ZFAND3: variants seen among roughly 807,000 people sequenced by gnomAD.
ZFAND3 encodes zinc finger AN1-type containing 3.
ZFAND3 carries 10 observed loss-of-function variants against 29.6 expected under a neutral mutation model. The ratio of observed to expected loss-of-function variants is 0.34; its 90% CI spans 0.21 to 0.57. The LOEUF is 0.57. ZFAND3 is among the 20% of genes least tolerant of loss of function. The probability of loss-of-function intolerance (pLI) is 0.86; values close to 1 mark genes in which losing one functional copy is unlikely to be tolerated. For missense variants in ZFAND3, 230 were observed against 304.5 expected (o/e 0.76, Z 1.82); for synonymous variants, 128 against 112.6 (o/e 1.14, Z -0.87).
At chr6:37,874,241 C>G (rs926066324) in intron 1 of ZFAND3, among the ~76,000 whole-genome samples, 3 of 152,206 alleles carry the variant, frequency 2.0e-5, no homozygotes, top group Admixed American at 6.5e-5. Flanking sequence ...TTTGGCCGGA[C>G]GTGGTGGCTC....
At chr6:37,849,634 T>C (rs1764246943) in intron 1 of ZFAND3, among the ~76,000 whole-genome samples, 1 of 152,160 alleles carries the variant, frequency 6.6e-6, no homozygotes, top group Non-Finnish European at 1.5e-5. Context: ...GGTCTGGAAC[T>C]CCTGACGTCA....
chr6:38,153,434 C>G lies in ZFAND3; in HGVS notation c.*1045C>G. On this transcript the variant is annotated 3_prime_UTR_variant, in exon 6 of 6. Coordinates refer to ENST00000287218, the MANE Select transcript of ZFAND3 (RefSeq NM_021943.3). Reference sequence around the variant, plus strand: ...CTCCATTCTCGTTTCTATGCAGCCCCATAGTCCAAGGACACCCAGTCCACA... The same window carrying G: ...CTCCATTCTCGTTTCTATGCAGCCCGATAGTCCAAGGACACCCAGTCCACA... 1.0e-6 allele frequency: 1 copy of G among 985,566 alleles called. No individual in the cohort carries two copies. Among genetic ancestry groups the G allele is most frequent in the Non-Finnish European group, 1.2e-6 (1 of 830,020 alleles). The allele number at this position is 985,566 out of a possible 1,614,324, so 61.1% of individuals were successfully genotyped here.
rs1171867049 is a variant in ZFAND3 at position 37,940,683 on chromosome 6, G to C, written c.112+10684G>C. On this transcript the variant is annotated intron_variant, in intron 2 of 5. Coordinates refer to ENST00000287218, the MANE Select transcript of ZFAND3 (RefSeq NM_021943.3). ...ATGGCAGAAGGCCAAGCAAGAACTT[G>C]CATATCACATGGCAAAAGCAGGAGC... is the stretch of plus-strand genomic sequence containing the variant. Among the ~76,000 whole-genome samples the C allele has an allele frequency of 3.9e-5, 6 of 152,170 alleles. No individual in the cohort carries two copies. The East Asian group carries it at 1.2e-3, about 29-fold the overall frequency.
At position 38,116,568 on chromosome 6, in the gene ZFAND3, T is replaced by A; in HGVS notation, c.362-4T>A. 1 of 1,605,304 alleles carries A rather than the reference T, an allele frequency of 6.2e-7. No homozygotes were observed. The highest frequency in any genetic ancestry group is 8.5e-7 in the Non-Finnish European group (1 of 1,173,318). On this transcript the variant is annotated splice_region_variant and splice_polypyrimidine_tract_variant and intron_variant, in intron 4 of 5. Coordinates refer to ENST00000287218, the MANE Select transcript of ZFAND3 (RefSeq NM_021943.3). ...CTGATCCCCAAATATGTTGTTTTGGTCAGATTCACAGTCTGAGAATGAGGC... is the reference window on the plus strand; with the variant it reads ...CTGATCCCCAAATATGTTGTTTTGGACAGATTCACAGTCTGAGAATGAGGC...
At position 38,107,684 on chromosome 6, in the gene ZFAND3, T is replaced by C. The variant is rs541951786; in HGVS notation, c.362-8888T>C. ...CTGTCTCTACTAAAAATACAAAAAA[T>C]TAGCCAGGCGTGGTAGCTCACACCT... On this transcript the variant is annotated intron_variant, in intron 4 of 5. Coordinates refer to ENST00000287218, the MANE Select transcript of ZFAND3 (RefSeq NM_021943.3). Among the ~76,000 whole-genome samples the C allele has an allele frequency of 6.6e-5, 10 of 152,116 alleles. No homozygotes were observed. In the South Asian group the frequency reaches 1.9e-3, roughly 28 times the overall value.
chr6:38,108,547 C>G (rs1048710497), intron 4 of ZFAND3, among the ~76,000 whole-genome samples: 1 of 152,214 alleles, frequency 6.6e-6, no homozygotes, highest in Admixed American at 6.5e-5. Flanking sequence ...AATCTGGAGT[C>G]TGATGTCCAA....
At chr6:38,088,752 A>ACTT (rs1764805999) in intron 4 of ZFAND3, among the ~76,000 whole-genome samples, 1 of 152,238 alleles carries the variant, frequency 6.6e-6, no homozygotes, top group Non-Finnish European at 1.5e-5. Context: ...GACTTGAAAA[A>ACTT]GGATGGTTAA....
At chr6:37,931,212 C>CACAGTTGTAAGCCCT (rs1344115529) in intron 2 of ZFAND3, among the ~76,000 whole-genome samples, 3 of 152,226 alleles carry the variant, frequency 2.0e-5, no homozygotes, top group African/African-American at 7.2e-5. Flanking sequence ...AGGAAGGATT[C>CACAGTTGTAAGCCCT]ACAGTTGTAA....
chr6:38,030,273 C>T (rs1402647096), intron 2 of ZFAND3, among the ~76,000 whole-genome samples: 1 of 151,352 alleles, frequency 6.6e-6, no homozygotes, highest in Admixed American at 6.6e-5. Flanking sequence ...GTAATCCTCC[C>T]CACTTGGCTT....
intron 2 of ZFAND3, among the ~76,000 whole-genome samples, chr6:38,024,347 C>T (rs1471509338): frequency 6.6e-6 from 1 of 150,940 alleles, no homozygotes; most frequent in Admixed American, 6.6e-5. Context: ...GGCTGGGTGC[C>T]TATAGTCCCA....
chr6:37,891,450 C>T (rs12192182), intron 1 of ZFAND3, among the ~76,000 whole-genome samples: 44,552 of 138,722 alleles, frequency 0.32, 7,473 homozygotes, highest in Non-Finnish European at 0.39. Context: ...AAAAATTAGC[C>T]GGGTGTGGCA....
chr6:38,139,691 T>C (rs1158146307), intron 5 of ZFAND3, among the ~76,000 whole-genome samples: 1 of 152,176 alleles, frequency 6.6e-6, no homozygotes, highest in South Asian at 2.1e-4. Context: ...CAGGGCTGGA[T>C]CTCATCATCT....
intron 5 of ZFAND3, among the ~76,000 whole-genome samples, chr6:38,139,795 TC>T (rs1765912591): frequency 6.6e-6 from 1 of 151,804 alleles, no homozygotes; most frequent in African/African-American, 2.4e-5. Flanking sequence ...GTTACTGGTC[TC>T]TTTGACTAGG....
chr6:37,832,111 A>G (rs1763872844), intron 1 of ZFAND3, among the ~76,000 whole-genome samples: 1 of 152,208 alleles, frequency 6.6e-6, no homozygotes, highest in Admixed American at 6.5e-5. Flanking sequence ...ACTTGTAATT[A>G]CAAAGGAAAC....
chr6:37,824,189 C>T (rs1763718113), intron 1 of ZFAND3, among the ~76,000 whole-genome samples: 1 of 152,100 alleles, frequency 6.6e-6, no homozygotes, highest in Non-Finnish European at 1.5e-5. Flanking sequence ...GCATTTAGTA[C>T]TCAGGCAAAA....
chr6:38,112,010 C>G (rs998007223), intron 4 of ZFAND3, among the ~76,000 whole-genome samples: 3 of 152,318 alleles, frequency 2.0e-5, no homozygotes, highest in East Asian at 3.9e-4. Flanking sequence ...GTACTTGTCT[C>G]TCTGTCGAAA....
At chr6:38,126,518 C>T (rs892199303) in intron 5 of ZFAND3, among the ~76,000 whole-genome samples, 2 of 152,224 alleles carry the variant, frequency 1.3e-5, no homozygotes, top group African/African-American at 4.8e-5. Flanking sequence ...ATTAGCAATG[C>T]ATTAGGGTTC....
At chr6:38,045,147 G>C (rs1307134437) in intron 2 of ZFAND3, among the ~76,000 whole-genome samples, 2 of 150,938 alleles carry the variant, frequency 1.3e-5, no homozygotes, top group African/African-American at 4.9e-5. Flanking sequence ...AGTGTTAGTG[G>C]CGGGATCTTG....
chr6:38,129,429 G>A (rs1375089246), intron 5 of ZFAND3, among the ~76,000 whole-genome samples: 2 of 152,160 alleles, frequency 1.3e-5, no homozygotes, highest in Non-Finnish European at 2.9e-5. Context: ...TTTTTCCAAT[G>A]TTATCTTTTA....
Sources: allele counts gnomAD v4.1 joint callset (sites outside exome capture counted in the v4.1 genomes callset), GRCh38; gene constraint gnomAD v4.1.1; transcripts MANE v1.5; gene names NCBI Gene and HGNC (gene_info 2026-07-23, HGNC 2026-07-21).